ASAP1: variants seen among roughly 807,000 people sequenced by gnomAD.
The protein encoded by ASAP1 is ArfGAP with SH3 domain, ankyrin repeat and PH domain 1, also known as arf-GAP with SH3 domain, ANK repeat and PH domain-containing protein 1.
In ASAP1, 43 loss-of-function variants were observed where a neutral mutation model predicts 145.2. The observed-to-expected ratio is 0.30, with a 90% CI of 0.23 to 0.38. The LOEUF is 0.38. Among genes scored for constraint, ASAP1 ranks in the 10% least tolerant of loss-of-function variants. ASAP1 has a pLI of 1.00. For missense variants in ASAP1, 1,018 were observed against 1,355.3 expected (o/e 0.75, Z 3.91); for synonymous variants, 546 against 515.5 (o/e 1.06, Z -0.80).
rs71304303 is a variant in ASAP1, at chr8:130,283,587, GAAAAAAAAAAAA to G, written c.187-46605_187-46594del. On this transcript the variant is annotated intron_variant, in intron 3 of 29. Transcript: ENST00000518721. ...ACAGAACAAGACTCCATCACAGAAA[GAAAAAAAAAAAA>G]AAAAAAAAAAAAAAAGAAGGCAGGA... is the stretch of plus-strand genomic sequence containing the variant. Among the ~76,000 whole-genome samples, 4 of 20,852 alleles carry G rather than the reference GAAAAAAAAAAAA, an allele frequency of 1.9e-4. 1 individual carries two copies. In the South Asian group the frequency reaches 5.1e-3, roughly 27 times the overall value. The allele number at this position is 20,852 out of a possible 152,430, so 13.7% of individuals were successfully genotyped here.
chr8:130,401,282 G>A (rs1262979704), intron 2 of ASAP1, among the ~76,000 whole-genome samples: 1 of 151,970 alleles, frequency 6.6e-6, no homozygotes, highest in Non-Finnish European at 1.5e-5. Context: ...GTCTCACTCT[G>A]TTGCCCAGGC....
intron 25 of ASAP1, chr8:130,082,896 G>C (rs1339636123): frequency 2.6e-5 from 4 of 151,916 alleles, no homozygotes; most frequent in Non-Finnish European, 5.9e-5. Flanking sequence ...TCAATGATGA[G>C]TCTTCAGGGC....
intron 8 of ASAP1, 27 bp downstream of exon 8, chr8:130,180,724 G>A: frequency 6.3e-7 from 1 of 1,597,096 alleles, no homozygotes; most frequent in Non-Finnish European, 8.5e-7. Flanking sequence ...ATAATTCTAG[G>A]CAAATGGTGG....
intron 2 of ASAP1, among the ~76,000 whole-genome samples, chr8:130,391,579 T>C (rs1828286185): frequency 6.6e-6 from 1 of 152,218 alleles, no homozygotes; most frequent in African/African-American, 2.4e-5. Context: ...GTTCTCAATC[T>C]ATCCTGCTGC....
intron 26 of ASAP1, 85 bp downstream of exon 26, chr8:130,079,817 G>C (rs530961250): frequency 2.8e-6 from 4 of 1,406,028 alleles, no homozygotes; most frequent in Admixed American, 1.7e-5. Context: ...AGCAGCGCTG[G>C]GAAATTCATG....
chr8:130,157,093 T>C (rs1451314182), intron 12 of ASAP1, among the ~76,000 whole-genome samples: 1 of 152,180 alleles, frequency 6.6e-6, no homozygotes, highest in African/African-American at 2.4e-5. Context: ...CCAAGAGATG[T>C]TTGTACCACA....
intron 4 of ASAP1, among the ~76,000 whole-genome samples, chr8:130,228,709 AAAAAAAG>A (rs1183437212): frequency 6.6e-6 from 1 of 151,910 alleles, no homozygotes; most frequent in African/African-American, 2.4e-5. Context: ...TTAAAAAAAA[AAAAAAAG>A]AAAAAGAATC....
At chr8:130,215,075 T>C (rs778594561) in intron 4 of ASAP1, among the ~76,000 whole-genome samples, 17 of 152,000 alleles carry the variant, frequency 1.1e-4, no homozygotes, top group Non-Finnish European at 2.2e-4. Flanking sequence ...TAATTTTTTG[T>C]ATTTTTAGTA....
intron 27 of ASAP1, among the ~76,000 whole-genome samples, chr8:130,074,635 C>T (rs923966769): frequency 3.9e-5 from 6 of 152,010 alleles, no homozygotes; most frequent in African/African-American, 7.3e-5. Context: ...AGTCTGTCCC[C>T]GAGGGGGTGG....
rs556975492 is a variant in ASAP1 at position 130,173,871 on chromosome 8, G to A, written c.747-4804C>T. Reference sequence around the variant, plus strand: ...GTAGATTGCCTGAGCTCAGGAGTTCGAGACCAGCCTGGGCAACAAGGTAAA... The same window carrying A: ...GTAGATTGCCTGAGCTCAGGAGTTCAAGACCAGCCTGGGCAACAAGGTAAA... On this transcript the variant is annotated intron_variant, in intron 9 of 29. Transcript: ENST00000518721. Among the ~76,000 whole-genome samples the A allele has an allele frequency of 1.6e-4, 24 of 151,348 alleles. No individual in the cohort carries two copies. The South Asian group carries it at 4.6e-3, about 29-fold the overall frequency.
At chr8:130,309,786 A>G (rs1346441450) in intron 3 of ASAP1, among the ~76,000 whole-genome samples, 1 of 152,202 alleles carries the variant, frequency 6.6e-6, no homozygotes, top group Non-Finnish European at 1.5e-5. Context: ...TTCCTCTAAA[A>G]CTGGACTTTT....
chr8:130,145,678 A>T (rs1031774768), intron 13 of ASAP1, among the ~76,000 whole-genome samples: 4 of 152,160 alleles, frequency 2.6e-5, no homozygotes, highest in African/African-American at 4.8e-5. Flanking sequence ...GCTCCATGCC[A>T]TATGTTTTAC....
chr8:130,207,964 GTTTGA>G (rs997379780), intron 5 of ASAP1, among the ~76,000 whole-genome samples: 7 of 152,168 alleles, frequency 4.6e-5, no homozygotes, highest in African/African-American at 1.7e-4. Flanking sequence ...CAGGAAGTGA[GTTTGA>G]TTTGTGTTCT....
intron 3 of ASAP1, among the ~76,000 whole-genome samples, chr8:130,303,436 T>C (rs1822798412): frequency 6.6e-6 from 1 of 152,202 alleles, no homozygotes; most frequent in African/African-American, 2.4e-5. Flanking sequence ...CTTTGCCCTC[T>C]GTCAACTAAT....
At chr8:130,245,162 GC>G (rs1818774228) in intron 3 of ASAP1, among the ~76,000 whole-genome samples, 1 of 152,148 alleles carries the variant, frequency 6.6e-6, no homozygotes, top group African/African-American at 2.4e-5. Context: ...GATTGAGGCT[GC>G]CATGAAGGGG....
At chr8:130,253,090 T>G (rs1287828123) in intron 3 of ASAP1, among the ~76,000 whole-genome samples, 1 of 152,174 alleles carries the variant, frequency 6.6e-6, no homozygotes, top group Non-Finnish European at 1.5e-5. Flanking sequence ...CATTCAGGCT[T>G]AGTTACACAA....
intron 17 of ASAP1, among the ~76,000 whole-genome samples, chr8:130,125,377 A>G (rs2097573361): frequency 6.6e-6 from 1 of 152,152 alleles, no homozygotes; most frequent in South Asian, 2.1e-4. Flanking sequence ...GGAAGGGCAG[A>G]GGTTAAAGGA....
chr8:130,304,085 T>C (rs1039493911), intron 3 of ASAP1, among the ~76,000 whole-genome samples: 2 of 152,158 alleles, frequency 1.3e-5, no homozygotes, highest in Non-Finnish European at 2.9e-5. Flanking sequence ...TCTGGACTTT[T>C]GGCTCGATTT....
Position 130,284,304 on chromosome 8 carries a change from C to T in ASAP1, c.187-47310G>A, listed in dbSNP as rs141491274. 3.3e-5 allele frequency among the ~76,000 whole-genome samples: 5 copies of T among 152,172 alleles called. No individual in the cohort carries two copies. The East Asian group carries it at 7.7e-4, about 24-fold the overall frequency. On this transcript the variant is annotated intron_variant, in intron 3 of 29. Coordinates refer to ENST00000518721, the MANE Select transcript of ASAP1 (RefSeq NM_018482.4). ...AGTAGGAAAATGAAAACTGGACAAA[C>T]AACCATTCTAGACAGTAGTCAAAAC...
Sources: gnomAD v4.1 joint callset for allele counts (sites outside exome capture counted in the v4.1 genomes callset) on GRCh38, gnomAD v4.1.1 for gene constraint, MANE v1.5 for transcripts, NCBI Gene and HGNC (gene_info 2026-07-23, HGNC 2026-07-21) for gene names.